ADRM1: variants seen among roughly 807,000 people sequenced by gnomAD.
ADRM1 encodes ADRM1 26S proteasome ubiquitin receptor, also known as proteasomal ubiquitin receptor ADRM1.
ADRM1 carries 2 observed loss-of-function variants against 40.1 expected under a neutral mutation model. That is an observed-to-expected ratio of 0.05 (90% confidence interval 0.02 to 0.16). The LOEUF (loss-of-function observed/expected upper bound fraction) is 0.16. ADRM1 is among the 10% of genes least tolerant of loss of function. The pLI is 1.00. For synonymous variants in ADRM1, 287 were observed against 240.4 expected (o/e 1.19, Z -1.79); for missense variants, 467 against 552.5 (o/e 0.85, Z 1.55).
chr20:62,306,048 C>A, intron 3 of ADRM1, 149 bp from the exon 4 acceptor site: 1 of 1,066,502 alleles, frequency 9.4e-7, no homozygotes, highest in Non-Finnish European at 1.3e-6. Flanking sequence ...ACCTGCTGGG[C>A]CGGGTCCTGT....
At chr20:62,304,717 A>C in intron 3 of ADRM1, 140 bp downstream of exon 3, 13 of 807,102 alleles carry the variant, frequency 1.6e-5, no homozygotes, top group Non-Finnish European at 2.7e-5. Context: ...ATGCCACCTC[A>C]GGGCTGCGGT....
In ADRM1 at chr20:62,303,605, C is replaced by T. The variant is rs760882891; in HGVS notation, c.37C>T (p.Pro13Ser). 13 of 1,601,432 alleles carry T rather than the reference C, an allele frequency of 8.1e-6. No homozygotes were observed. Among genetic ancestry groups the T allele is most frequent in the Middle Eastern group, 1.7e-4 (1 of 5,958 alleles). Residue 13 changes from proline (P) to serine (S), a missense_variant, in exon 2 of 10, where the codon CCA becomes TCA. By Grantham distance (74) the Pro-to-Ser change is moderately conservative (BLOSUM62 -1). Transcript: ENST00000253003. ...TSGALFPSLV[P>S]GSRGASNKYL... ...AGGCGCGCTCTTTCCAAGCCTGGTG[C>T]CAGGCTCTCGGGGCGCCTCCAACAA...
chr20:62,307,877 G>T, intron 7 of ADRM1, 49 bp downstream of exon 7: 2 of 1,565,108 alleles, frequency 1.3e-6, no homozygotes, highest in Non-Finnish European at 8.6e-7. Flanking sequence ...GGGGCCTGCT[G>T]ACCCTCGCAC....
intron 2 of ADRM1, 113 bp downstream of exon 2, chr20:62,303,894 C>A: frequency 5.9e-6 from 6 of 1,021,224 alleles, no homozygotes; most frequent in South Asian, 4.4e-5. Context: ...CTCGTGGGGC[C>A]GTCATCGACT....
At chr20:62,306,421 TAGA>T in intron 4 of ADRM1, 101 bp downstream of exon 4, 2 of 1,585,230 alleles carry the variant, frequency 1.3e-6, no homozygotes, top group Non-Finnish European at 1.7e-6. Flanking sequence ...GAAGTGGAAA[TAGA>T]AGATTCTAAA....
chr20:62,306,569 C>T (rs1985003016), intron 4 of ADRM1, 79 bp from the exon 5 acceptor site: 2 of 1,440,146 alleles, frequency 1.4e-6, no homozygotes, highest in East Asian at 2.4e-5. Context: ...GTGCGGTGCT[C>T]AGCAGAGGCG....
At position 62,307,768 on chromosome 20, in the gene ADRM1, G is replaced by C. The variant is rs1298087737; in HGVS notation, c.796G>C (p.Asp266His). 2 of 1,611,690 alleles carry C rather than the reference G, an allele frequency of 1.2e-6. No individual in the cohort carries two copies. The highest frequency in any genetic ancestry group is 1.1e-5 in the South Asian group (1 of 91,004). ...ASPTQPIQLSDLQSILATMNV... is the reference protein window; with the variant it reads ...ASPTQPIQLSHLQSILATMNV... ...CCCGACCCAGCCCATCCAGCTGAGC[G>C]ACCTCCAGAGCATCCTGGCCACGAT... is the stretch of plus-strand genomic sequence containing the variant. Residue 266 changes from aspartate to histidine, a missense_variant, in exon 7 of 10, where the codon GAC becomes CAC. Asp to His is a moderately conservative substitution (Grantham distance 81, BLOSUM62 -1). Coordinates refer to ENST00000253003, the MANE Select transcript of ADRM1 (RefSeq NM_007002.4).
rs1029475710 is a variant in ADRM1 at position 62,305,958 on chromosome 20, G to A, written c.331-239G>A. The A allele has an allele frequency of 7.6e-6, 4 of 528,034 alleles. No homozygotes were observed. In the Admixed American group the frequency reaches 9.7e-5, roughly 13 times the overall value. 32.7% of individuals were successfully genotyped at this position (528,034 alleles called of 1,614,324 possible). On this transcript the variant is annotated intron_variant, in intron 3 of 9. Coordinates refer to ENST00000253003, the MANE Select transcript of ADRM1 (RefSeq NM_007002.4). Reference sequence around the variant, plus strand: ...CCCATTTGTGAAATGGGCGGAGGGGGACAGGGCACACCCGGGATTGCGGCG... The same window carrying A: ...CCCATTTGTGAAATGGGCGGAGGGGAACAGGGCACACCCGGGATTGCGGCG...
intron 3 of ADRM1, among the ~76,000 whole-genome samples, chr20:62,305,006 G>A (rs1394828584): frequency 6.6e-6 from 1 of 152,242 alleles, no homozygotes; most frequent in East Asian, 1.9e-4. Flanking sequence ...GTGTCCTGGA[G>A]GCCAGGGGTG....
At chr20:62,304,402 G>C in intron 2 of ADRM1, 59 bp from the exon 3 acceptor site, 2 of 1,474,304 alleles carry the variant, frequency 1.4e-6, no homozygotes, top group Non-Finnish European at 9.4e-7. Flanking sequence ...ACGCTCTCCT[G>C]AGACTGGGCA....
chr20:62,304,395 C>T (rs773746322), intron 2 of ADRM1, 66 bp from the exon 3 acceptor site: 38 of 1,400,250 alleles, frequency 2.7e-5, no homozygotes, highest in Non-Finnish European at 3.8e-5. Context: ...GCTCAGTACG[C>T]TCTCCTGAGA....
intron 5 of ADRM1, 151 bp from the exon 6 acceptor site, chr20:62,307,220 A>T: frequency 2.9e-6 from 2 of 699,244 alleles, no homozygotes; most frequent in South Asian, 1.9e-5. Flanking sequence ...CACCCGCCCC[A>T]CGCCGCTCCT....
At position 62,306,474 on chromosome 20, in the gene ADRM1, C is replaced by G. The variant is rs1050700422; in HGVS notation, c.454+154C>G. 4.5e-6 allele frequency: 6 copies of G among 1,345,124 alleles called. No homozygotes were observed. The African/African-American group carries it at 7.2e-5, about 16-fold the overall frequency. The allele number at this position is 1,345,124 out of a possible 1,614,324, so 83.3% of individuals were successfully genotyped here. A position where few individuals can be genotyped will look rare whatever the true frequency, so the allele number is the denominator to read the frequency against. On this transcript the variant is annotated intron_variant, in intron 4 of 9. Coordinates refer to ENST00000253003, the MANE Select transcript of ADRM1 (RefSeq NM_007002.4). The stretch of plus-strand genomic sequence containing the variant: ...TGAGCTCCCTGGGTCACTCCCCACT[C>G]CCACCTTCACGGGGTAGGACGGGTC...
In ADRM1 at chr20:62,303,554, C is replaced by G; in HGVS notation, c.-1-14C>G. 1 of 1,560,836 alleles carries G rather than the reference C, an allele frequency of 6.4e-7. No individual in the cohort carries two copies. The highest frequency in any genetic ancestry group is 8.7e-7 in the Non-Finnish European group (1 of 1,153,286). ...AGTGACCGCCGCGTCTCAGCGTCCT[C>G]TCCGCGCTTTCAGGATGACGACCTC... On this transcript the variant is annotated splice_polypyrimidine_tract_variant and intron_variant, in intron 1 of 9. Transcript: ENST00000253003.
At chr20:62,303,448 G>A in intron 1 of ADRM1, 120 bp from the exon 2 acceptor site, 6 of 1,017,170 alleles carry the variant, frequency 5.9e-6, no homozygotes, top group Non-Finnish European at 8.6e-6. Flanking sequence ...GCGTGTCTGA[G>A]TCTGCCTTAG....
chr20:62,305,906 G>C (rs1568870514), intron 3 of ADRM1: 1 of 383,956 alleles, frequency 2.6e-6, no homozygotes, highest in Non-Finnish European at 4.9e-6. Flanking sequence ...TCTGGCAGCA[G>C]CTAAGTGCCT....
chr20:62,307,733 C>G lies in ADRM1; in HGVS notation c.761C>G (p.Thr254Arg), dbSNP rs553787199. 1.2e-6 allele frequency: 2 copies of G among 1,611,988 alleles called. No individual in the cohort carries two copies. The highest frequency in any genetic ancestry group is 4.5e-5 in the East Asian group (2 of 44,876). ...PAPSSGNGASTAASPTQPIQL... is the reference protein window; with the variant it reads ...PAPSSGNGASRAASPTQPIQL... Reference sequence around the variant, plus strand: ...CCCAGTTCCGGGAATGGAGCCAGCACAGCAGCCAGCCCGACCCAGCCCATC... The same window carrying G: ...CCCAGTTCCGGGAATGGAGCCAGCAGAGCAGCCAGCCCGACCCAGCCCATC... The change falls in exon 7 of 10, where the codon ACA (threonine) becomes AGA (arginine). Residue 254 changes from threonine to arginine, a missense_variant. Thr to Arg is a moderately conservative substitution (Grantham distance 71). Coordinates refer to ENST00000253003, the MANE Select transcript of ADRM1 (RefSeq NM_007002.4).
In ADRM1 at chr20:62,306,212, C is replaced by A; in HGVS notation, c.346C>A (p.Gln116Lys). ...FFWMQEPKTD[Q>K]DEEHCRKVNE... ...CCTCTTGCAGGAACCCAAGACAGACCAGGATGAGGAGCATTGCCGGAAAGT... is the reference window on the plus strand; with the variant it reads ...CCTCTTGCAGGAACCCAAGACAGACAAGGATGAGGAGCATTGCCGGAAAGT... Residue 116 changes from glutamine (Q) to lysine (K), a missense_variant, in exon 4 of 10, where the codon CAG (glutamine) becomes AAG (lysine). Gln to Lys is a moderately conservative substitution (Grantham distance 53). Coordinates refer to ENST00000253003, the MANE Select transcript of ADRM1 (RefSeq NM_007002.4). 1 of 1,612,938 alleles carries A rather than the reference C, an allele frequency of 6.2e-7. No individual in the cohort carries two copies. Among genetic ancestry groups the A allele is most frequent in the Non-Finnish European group, 8.5e-7 (1 of 1,179,682 alleles).
intron 5 of ADRM1, 115 bp downstream of exon 5, chr20:62,306,849 G>T: frequency 9.7e-7 from 1 of 1,030,854 alleles, no homozygotes; most frequent in Non-Finnish European, 1.4e-6. Flanking sequence ...GGGAGCCTGT[G>T]TGTCCGCAAG....
Sources: allele counts gnomAD v4.1 joint callset (sites outside exome capture counted in the v4.1 genomes callset), GRCh38; gene constraint gnomAD v4.1.1; transcripts MANE v1.5; gene names NCBI Gene and HGNC (gene_info 2026-07-23, HGNC 2026-07-21).